FAM193A: variants seen among roughly 807,000 people sequenced by gnomAD.
FAM193A encodes the protein family with sequence similarity 193 member A, also known as protein FAM193A.
FAM193A carries 22 observed loss-of-function variants against 126.5 expected under a neutral mutation model. The ratio of observed to expected loss-of-function variants is 0.17; its 90% CI spans 0.12 to 0.25. FAM193A has a LOEUF of 0.25. Ranked by LOEUF, FAM193A falls within the 10% of genes least tolerant of loss-of-function variation. The pLI is 1.00. For synonymous variants in FAM193A, 761 were observed against 646.8 expected, an observed-to-expected ratio of 1.18 and a Z score of -2.68; for missense variants, 1,675 against 1,672.8, an observed-to-expected ratio of 1.00 and a Z score of -0.02.
intron 1 of FAM193A, among the ~76,000 whole-genome samples, chr4:2,547,169 C>T (rs1737615900): frequency 6.6e-6 from 1 of 152,096 alleles, no homozygotes; most frequent in Non-Finnish European, 1.5e-5. Flanking sequence ...AGGCGGATCA[C>T]TGGAGGTCAG....
At position 2,639,172 on chromosome 4, in the gene FAM193A, G is replaced by A. The variant is rs140429074; in HGVS notation, c.1039-563G>A. On this transcript the variant is annotated intron_variant, in intron 5 of 20. Coordinates refer to ENST00000637812, the MANE Select transcript of FAM193A (RefSeq NM_001366318.2). Reference sequence around the variant, plus strand: ...TGACATCACTCTCTATGATGACTGGGACACTTCTAGGTTTTCGTGGTATTA... The same window carrying A: ...TGACATCACTCTCTATGATGACTGGAACACTTCTAGGTTTTCGTGGTATTA... 4.7e-4 allele frequency among the ~76,000 whole-genome samples: 72 copies of A among 152,262 alleles called. 1 individual carries two copies. The East Asian group carries it at 0.01, about 21-fold the overall frequency.
intron 5 of FAM193A, among the ~76,000 whole-genome samples, chr4:2,636,055 T>C (rs2109014822): frequency 6.6e-6 from 1 of 151,902 alleles, no homozygotes; most frequent in East Asian, 1.9e-4. Context: ...TTTGTCTTTT[T>C]GTGTTTTTTT....
chr4:2,646,791 C>G lies in FAM193A; in HGVS notation c.1270C>G (p.Leu424Val). Residue 424 changes from leucine (L) to valine (V), a missense_variant, in exon 7 of 21, where the codon CTG (leucine) becomes GTG (valine). Physicochemically the swap from Leu to Val is conservative, Grantham distance 32. Transcript: ENST00000637812. ...EELRRVAEEW[L>V]ECQKRIDAYV... ...GCTGCGCAGAGTCGCCGAGGAGTGGCTGGAGTGCCAGAAGAGGATCGACGC... is the reference window on the plus strand; with the variant it reads ...GCTGCGCAGAGTCGCCGAGGAGTGGGTGGAGTGCCAGAAGAGGATCGACGC... 1 of 1,613,956 alleles carries G rather than the reference C, an allele frequency of 6.2e-7. No individual in the cohort carries two copies. Among genetic ancestry groups the G allele is most frequent in the Non-Finnish European group, 8.5e-7 (1 of 1,179,912 alleles).
chr4:2,681,987 G>GTTT lies in FAM193A; in HGVS notation c.2332-7506_2332-7504dup, dbSNP rs1346813634. Among the ~76,000 whole-genome samples the GTTT allele has an allele frequency of 4.6e-4, 56 of 121,856 alleles. 1 individual carries two copies. Among genetic ancestry groups the GTTT allele is most frequent in the African/African-American group, 1.0e-3 (32 of 31,300 alleles). The allele number at this position is 121,856 out of a possible 152,430, so 79.9% of individuals were successfully genotyped here. A position where few individuals can be genotyped will look rare whatever the true frequency, so the allele number is the denominator to read the frequency against. ...ACTTCTCAGGGTTTTTTTTTTTTTGGTTTTTTTTTTTTTTTGAGACAGAGT... is the reference window on the plus strand; with the variant it reads ...ACTTCTCAGGGTTTTTTTTTTTTTGGTTTTTTTTTTTTTTTTTTGAGACAGAGT... On this transcript the variant is annotated intron_variant, in intron 13 of 20. Transcript: ENST00000637812.
chr4:2,597,108 T>C lies in FAM193A; in HGVS notation c.501+779T>C, dbSNP rs575104189. Reference sequence around the variant, plus strand: ...GCCTGGTGTGGGTTTCCATCTTTACTGGCCTTGGAGGCAAGCCCCATCTCC... The same window carrying C: ...GCCTGGTGTGGGTTTCCATCTTTACCGGCCTTGGAGGCAAGCCCCATCTCC... On this transcript the variant is annotated intron_variant, in intron 2 of 20. Coordinates refer to ENST00000637812, the MANE Select transcript of FAM193A (RefSeq NM_001366318.2). 5.3e-5 allele frequency among the ~76,000 whole-genome samples: 8 copies of C among 152,258 alleles called. No individual in the cohort carries two copies. In the South Asian group the frequency reaches 1.0e-3, roughly 20 times the overall value.
At chr4:2,651,437 C>T (rs554428987) in intron 7 of FAM193A, among the ~76,000 whole-genome samples, 1 of 152,246 alleles carries the variant, frequency 6.6e-6, no homozygotes, top group East Asian at 1.9e-4. Flanking sequence ...CCTTAGGAAA[C>T]TTATAATCAT....
intron 2 of FAM193A, among the ~76,000 whole-genome samples, chr4:2,604,377 G>A (rs1005122393): frequency 1.4e-4 from 22 of 152,104 alleles, no homozygotes; most frequent in African/African-American, 5.1e-4. Flanking sequence ...CTGTGTTTCC[G>A]TGGTTTTATT....
intron 1 of FAM193A, among the ~76,000 whole-genome samples, chr4:2,568,521 A>G (rs1560449010): frequency 1.3e-5 from 2 of 152,146 alleles, no homozygotes; most frequent in Non-Finnish European, 2.9e-5. Context: ...CTGTCTGTAA[A>G]AATAAATAAA....
chr4:2,671,239 C>A (rs901578571), intron 12 of FAM193A, among the ~76,000 whole-genome samples: 6 of 152,230 alleles, frequency 3.9e-5, no homozygotes, highest in African/African-American at 1.4e-4. Flanking sequence ...AGAAGCCCTT[C>A]CGTGGCGCTC....
At chr4:2,598,594 G>A (rs1403397187) in intron 2 of FAM193A, among the ~76,000 whole-genome samples, 1 of 152,152 alleles carries the variant, frequency 6.6e-6, no homozygotes, top group Non-Finnish European at 1.5e-5. Flanking sequence ...TCTCCTTTCT[G>A]GAAGACTGTG....
chr4:2,547,484 TCCAGCGATCCTC>T (rs1009410474), intron 1 of FAM193A, among the ~76,000 whole-genome samples: 18 of 152,056 alleles, frequency 1.2e-4, no homozygotes, highest in African/African-American at 2.4e-5. Context: ...TCTCCAGGGC[TCCAGCGATCCTC>T]CCACCTTGGC....
At chr4:2,570,709 A>T (rs1272082461) in intron 1 of FAM193A, among the ~76,000 whole-genome samples, 1 of 151,976 alleles carries the variant, frequency 6.6e-6, no homozygotes, top group African/African-American at 2.4e-5. Flanking sequence ...CTGTAGGGGG[A>T]CCAGTTACCC....
At chr4:2,625,213 C>T (rs995328912) in intron 2 of FAM193A, 49 bp from the exon 3 acceptor site, 7 of 636,138 alleles carry the variant, frequency 1.1e-5, no homozygotes, top group African/African-American at 5.5e-5. Context: ...AAATTGATGC[C>T]GTGAACATTT....
chr4:2,625,765 C>T (rs951456383), intron 3 of FAM193A, among the ~76,000 whole-genome samples: 1 of 145,004 alleles, frequency 6.9e-6, no homozygotes, highest in South Asian at 2.2e-4. Context: ...CTGGCTCTGT[C>T]CCCCAGGCCG....
chr4:2,630,355 A>G (rs995290745), intron 4 of FAM193A, among the ~76,000 whole-genome samples: 3 of 151,818 alleles, frequency 2.0e-5, no homozygotes, highest in Admixed American at 1.3e-4. Context: ...AACTGTGTCT[A>G]AAGTTTCCTC....
At chr4:2,718,302 C>T (rs1719759374) in intron 20 of FAM193A, among the ~76,000 whole-genome samples, 1 of 151,494 alleles carries the variant, frequency 6.6e-6, no homozygotes, top group Non-Finnish European at 1.5e-5. Flanking sequence ...GAAAAAAAGA[C>T]ACAAAAAATA....
intron 12 of FAM193A, among the ~76,000 whole-genome samples, chr4:2,669,719 C>A (rs1276635173): frequency 6.6e-6 from 1 of 152,234 alleles, no homozygotes; most frequent in African/African-American, 2.4e-5. Context: ...GGTCCCCACA[C>A]ACAGCCTTCC....
At chr4:2,699,483 A>G (rs1197537541) in intron 18 of FAM193A, among the ~76,000 whole-genome samples, 197 bp from the exon 19 acceptor site, 1 of 144,566 alleles carries the variant, frequency 6.9e-6, no homozygotes, top group East Asian at 2.1e-4. Context: ...CATATACTTT[A>G]GTAAATAGAT....
intron 1 of FAM193A, among the ~76,000 whole-genome samples, chr4:2,570,405 A>G (rs1224021483): frequency 2.0e-5 from 3 of 152,210 alleles, no homozygotes; most frequent in Non-Finnish European, 2.9e-5. Flanking sequence ...AAGCAACTCT[A>G]AATCGCTGCA....
Sources: gnomAD v4.1 joint callset for allele counts (sites outside exome capture counted in the v4.1 genomes callset) on GRCh38, gnomAD v4.1.1 for gene constraint, MANE v1.5 for transcripts, NCBI Gene and HGNC (gene_info 2026-07-23, HGNC 2026-07-21) for gene names.